The following NRG1 variants were observed in gnomAD, a reference collection of about 807,000 sequenced individuals.
NRG1 encodes neuregulin 1, also known as pro-neuregulin-1, membrane-bound isoform.
A neutral mutation model predicts 63.8 loss-of-function variants in NRG1; 18 were observed. The observed-to-expected ratio is 0.28, with a 90% CI of 0.19 to 0.42. NRG1 has a LOEUF of 0.42. NRG1 is among the 10% of genes least tolerant of loss of function. NRG1 has a pLI of 1.00. For synonymous variants in NRG1, 302 were observed against 301.3 expected (o/e 1.00, Z -0.02); for missense variants, 762 against 814.7 (o/e 0.94, Z 0.79).
At chr8:32,338,403 G>A (rs1470219306) in intron 1 of NRG1, among the ~76,000 whole-genome samples, 1 of 151,988 alleles carries the variant, frequency 6.6e-6, no homozygotes, top group African/African-American at 2.4e-5. Context: ...TTTTAACTTG[G>A]CATGTGTCAT....
Position 32,596,094 on chromosome 8 carries a change from A to G in NRG1, c.278+89A>G, listed in dbSNP as rs1588574801. On this transcript the variant is annotated intron_variant, in intron 2 of 11. Transcript: ENST00000356819. ...TTAGACCCTAATAAGTGAATTTACT[A>G]TCAGAAACATAATAGATAATAAGTG... 6.8e-6 allele frequency: 7 copies of G among 1,025,422 alleles called. No individual in the cohort carries two copies. In the South Asian group the frequency reaches 1.1e-4, roughly 17 times the overall value. 63.5% of individuals were successfully genotyped at this position (1,025,422 alleles called of 1,614,324 possible). A position where few individuals can be genotyped will look rare whatever the true frequency, so the allele number is the denominator to read the frequency against.
chr8:32,693,301 C>T (rs2128941440), intron 5 of NRG1, among the ~76,000 whole-genome samples: 1 of 151,764 alleles, frequency 6.6e-6, no homozygotes, highest in South Asian at 2.1e-4. Flanking sequence ...GCACTGCAAC[C>T]TCCGCCTTCT....
At chr8:32,437,176 CACCT>C (rs1018087118) in intron 1 of NRG1, among the ~76,000 whole-genome samples, 7 of 152,208 alleles carry the variant, frequency 4.6e-5, no homozygotes, top group South Asian at 4.1e-4. Context: ...ACCTTGCTAA[CACCT>C]ACCTACCTAC....
intron 1 of NRG1, among the ~76,000 whole-genome samples, chr8:32,573,143 A>T (rs2466097): frequency 0.54 from 82,667 of 152,104 alleles, 22,774 homozygotes; most frequent in East Asian, 0.83. Context: ...CAGTTTGTTC[A>T]TAGACCTCAA....
At chr8:31,951,077 T>C (rs1803393668) in intron 1 of NRG1, among the ~76,000 whole-genome samples, 1 of 152,224 alleles carries the variant, frequency 6.6e-6, no homozygotes, top group South Asian at 2.1e-4. Context: ...TTGGAAGGAC[T>C]GTGTGAGAAT....
chr8:32,197,793 A>G (rs1324823831), intron 1 of NRG1, among the ~76,000 whole-genome samples: 3 of 152,064 alleles, frequency 2.0e-5, no homozygotes, highest in African/African-American at 2.4e-5. Flanking sequence ...GCATCCCTCA[A>G]TCCCCTCCCT....
intron 1 of NRG1, among the ~76,000 whole-genome samples, chr8:32,086,041 G>T (rs1426100506): frequency 6.6e-6 from 1 of 152,202 alleles, no homozygotes; most frequent in Non-Finnish European, 1.5e-5. Flanking sequence ...ACAAGGCACA[G>T]AAATTTAATG....
chr8:32,653,370 G>C (rs1012487576), intron 5 of NRG1, among the ~76,000 whole-genome samples: 1 of 152,104 alleles, frequency 6.6e-6, no homozygotes, highest in African/African-American at 2.4e-5. Flanking sequence ...TTACTGTCAT[G>C]TTATTCACCT....
chr8:32,559,841 C>CAAAAAAAAA (rs575336896), intron 1 of NRG1, among the ~76,000 whole-genome samples: 13 of 127,390 alleles, frequency 1.0e-4, no homozygotes, highest in South Asian at 2.5e-4. Flanking sequence ...CAAAAAAATA[C>CAAAAAAAAA]AAAAAAAAAA....
At chr8:32,056,502 G>A (rs969588450) in intron 1 of NRG1, among the ~76,000 whole-genome samples, 4 of 151,780 alleles carry the variant, frequency 2.6e-5, no homozygotes, top group South Asian at 2.1e-4. Context: ...TTGATTCATC[G>A]AGCCTCAATC....
chr8:32,011,149 C>T (rs887913980), intron 1 of NRG1, among the ~76,000 whole-genome samples: 7 of 152,114 alleles, frequency 4.6e-5, no homozygotes, highest in East Asian at 1.9e-4. Flanking sequence ...CTTCTCACCA[C>T]GATGTCAGTA....
At chr8:31,674,945 C>G (rs886744596) in intron 1 of NRG1, among the ~76,000 whole-genome samples, 1 of 152,336 alleles carries the variant, frequency 6.6e-6, no homozygotes, top group Non-Finnish European at 1.5e-5. Context: ...ATGCAGGACC[C>G]TTCTCTGAGG....
At chr8:31,763,578 C>T (rs111783995) in intron 1 of NRG1, among the ~76,000 whole-genome samples, 64 of 152,242 alleles carry the variant, frequency 4.2e-4, no homozygotes, top group African/African-American at 1.5e-3. Context: ...CTTCTATTAA[C>T]TCAAATACTA....
intron 1 of NRG1, among the ~76,000 whole-genome samples, chr8:31,953,156 A>G (rs1421772326): frequency 1.3e-5 from 2 of 152,132 alleles, no homozygotes; most frequent in Non-Finnish European, 1.5e-5. Context: ...CAAATATTTC[A>G]TGTAATTTTA....
At chr8:32,520,125 C>G (rs917511049) in intron 1 of NRG1, among the ~76,000 whole-genome samples, 1 of 152,080 alleles carries the variant, frequency 6.6e-6, no homozygotes, top group Non-Finnish European at 1.5e-5. Context: ...CTGGTGTGAA[C>G]TTGGAGAGCT....
chr8:31,772,182 G>A (rs1225171772), intron 1 of NRG1, among the ~76,000 whole-genome samples: 1 of 152,102 alleles, frequency 6.6e-6, no homozygotes, highest in African/African-American at 2.4e-5. Context: ...TATCTTTCAT[G>A]ATCTATCTCC....
intron 1 of NRG1, among the ~76,000 whole-genome samples, chr8:31,712,984 CCCATCCATCCATCCATCCATCCATCCAT>C (rs66850785): frequency 1.5e-5 from 2 of 132,760 alleles, no homozygotes; most frequent in Non-Finnish European, 3.3e-5. Flanking sequence ...CATCCATCCA[CCCATCCATCCATCCATCCATCCATCCAT>C]CCATCCATCC....
intron 1 of NRG1, among the ~76,000 whole-genome samples, chr8:32,493,156 T>C (rs962351948): frequency 2.0e-5 from 3 of 152,090 alleles, no homozygotes; most frequent in African/African-American, 7.2e-5. Context: ...ATCCACAGAA[T>C]TGGGAAGCTT....
chr8:32,322,138 T>G (rs1042454639), intron 1 of NRG1, among the ~76,000 whole-genome samples: 5 of 151,906 alleles, frequency 3.3e-5, no homozygotes, highest in African/African-American at 1.2e-4. Flanking sequence ...TGATCATGCC[T>G]GTGAATGGCC....
Sources: allele counts gnomAD v4.1 joint callset (sites outside exome capture counted in the v4.1 genomes callset), GRCh38; gene constraint gnomAD v4.1.1; transcripts MANE v1.5; gene names NCBI Gene and HGNC (gene_info 2026-07-23, HGNC 2026-07-21).